The following SLC4A8 variants were observed in gnomAD, a reference collection of about 807,000 sequenced individuals.
SLC4A8 encodes the protein electroneutral sodium bicarbonate exchanger 1.
In SLC4A8, 40 loss-of-function variants were observed where a neutral mutation model predicts 125.0. That is an observed-to-expected ratio of 0.32 (90% CI 0.25 to 0.42). The LOEUF is 0.42. SLC4A8 is among the 10% of genes least tolerant of loss of function. SLC4A8 has a pLI of 1.00. For missense variants in SLC4A8, 863 were observed against 1,355.1 expected (o/e 0.64, Z 5.70); for synonymous variants, 456 against 476.0 (o/e 0.96, Z 0.55).
At chr12:51,490,098 T>C in intron 19 of SLC4A8, 147 bp downstream of exon 19, 1 of 699,510 alleles carries the variant, frequency 1.4e-6, no homozygotes, top group Non-Finnish European at 2.4e-6. Context: ...ATAAGACAGA[T>C]AACATGTAGT....
chr12:51,435,223 G>A (rs1430146593), intron 1 of SLC4A8, among the ~76,000 whole-genome samples: 1 of 152,178 alleles, frequency 6.6e-6, no homozygotes, highest in African/African-American at 2.4e-5. Context: ...TCTCCTTTGT[G>A]ATGTTAGTGG....
At chr12:51,479,497 G>C (rs1950955364) in intron 16 of SLC4A8, among the ~76,000 whole-genome samples, 1 of 151,998 alleles carries the variant, frequency 6.6e-6, no homozygotes, top group Admixed American at 6.6e-5. Flanking sequence ...GACCAGTCTG[G>C]CCAACATGGT....
intron 1 of SLC4A8, among the ~76,000 whole-genome samples, chr12:51,408,206 G>A (rs780155437): frequency 5.9e-5 from 9 of 152,052 alleles, no homozygotes; most frequent in Non-Finnish European, 1.3e-4. Context: ...CTTTTCTGGG[G>A]GACACAATTC....
In SLC4A8 at chr12:51,493,742, C is replaced by T; in HGVS notation, c.2739C>T (p.Tyr913=). 6.2e-7 allele frequency: 1 copy of T among 1,610,270 alleles called. No homozygotes were observed. Among genetic ancestry groups the T allele is most frequent in the East Asian group, 2.2e-5 (1 of 44,862 alleles). Residue 913 remains tyrosine (Y), a synonymous_variant, in exon 20 of 25, where the codon TAC becomes TAT. Coordinates refer to ENST00000453097, the MANE Select transcript of SLC4A8 (RefSeq NM_001039960.3). ...PMPVLYGVFL[Y]MGVSSLQGIQ... is the part of the protein sequence containing the mutation. ...CAGTACTCTACGGAGTTTTCCTTTA[C>T]ATGGGAGTTTCTTCACTACAGGGAA...
chr12:51,501,755 T>C (rs1302662227), intron 22 of SLC4A8: 1 of 152,252 alleles, frequency 6.6e-6, no homozygotes, highest in Non-Finnish European at 1.5e-5. Context: ...GGGGCTGAAC[T>C]AATTTGCATT....
intron 1 of SLC4A8, among the ~76,000 whole-genome samples, chr12:51,403,731 C>T (rs1399521438): frequency 6.6e-6 from 1 of 152,220 alleles, no homozygotes; most frequent in African/African-American, 2.4e-5. Context: ...TAACACCCGG[C>T]AATAATTCTG....
intron 16 of SLC4A8, among the ~76,000 whole-genome samples, chr12:51,481,816 G>T (rs570037307): frequency 6.6e-6 from 1 of 152,038 alleles, no homozygotes; most frequent in Non-Finnish European, 1.5e-5. Flanking sequence ...GCCAGGCGTG[G>T]TGGTGTGTGA....
rs1950802512 is a variant in SLC4A8, at chr12:51,474,419, A to G, written c.1982A>G (p.Glu661Gly). ...AAGGACCACAACATCGTGACAGCAG[A>G]AGTCCACTGGGCTAACCTGACTGTC... ...YWKDHNIVTA[E>G]VHWANLTVSE... The change falls in exon 15 of 25, where the codon GAA becomes GGA. Residue 661 changes from glutamate (E) to glycine (G), a missense_variant. Coordinates refer to ENST00000453097, the MANE Select transcript of SLC4A8 (RefSeq NM_001039960.3). 1 of 1,613,606 alleles carries G rather than the reference A, an allele frequency of 6.2e-7. No individual in the cohort carries two copies. The highest frequency in any genetic ancestry group is 8.5e-7 in the Non-Finnish European group (1 of 1,179,676).
chr12:51,414,422 C>T (rs114990417), intron 1 of SLC4A8, among the ~76,000 whole-genome samples: 2,736 of 152,172 alleles, frequency 0.018, 74 homozygotes, highest in African/African-American at 0.062. Context: ...GTTTCTCTTG[C>T]CTGATTGCTC....
At chr12:51,427,990 C>G (rs1309023297) in intron 1 of SLC4A8, among the ~76,000 whole-genome samples, 1 of 152,180 alleles carries the variant, frequency 6.6e-6, no homozygotes, top group African/African-American at 2.4e-5. Context: ...TGAATACAAT[C>G]AGGCTCTTGT....
Position 51,511,275 on chromosome 12 carries a change from T to G in SLC4A8, c.*3837T>G, listed in dbSNP as rs1186942586. Reference sequence around the variant, plus strand: ...ATTTTCACAGCATCTGGATGGCAAATTGCCTTCACGTAGGGAAACCACATG... The same window carrying G: ...ATTTTCACAGCATCTGGATGGCAAAGTGCCTTCACGTAGGGAAACCACATG... On this transcript the variant is annotated 3_prime_UTR_variant, in exon 25 of 25. Coordinates refer to ENST00000453097, the MANE Select transcript of SLC4A8 (RefSeq NM_001039960.3). 1 of 152,166 alleles carries G rather than the reference T, an allele frequency of 6.6e-6. No individual in the cohort carries two copies. Among genetic ancestry groups the G allele is most frequent in the African/African-American group, 2.4e-5 (1 of 41,420 alleles). The allele number at this position is 152,166 out of a possible 1,614,324, so 9.4% of individuals were successfully genotyped here.
At chr12:51,494,718 GA>G (rs1951416017) in intron 20 of SLC4A8, 1 of 430,424 alleles carries the variant, frequency 2.3e-6, no homozygotes, top group Admixed American at 3.8e-5. Flanking sequence ...ATAAGAGAAA[GA>G]AGTTTGAACC....
chr12:51,491,309 G>C (rs2138403712), intron 19 of SLC4A8, among the ~76,000 whole-genome samples: 1 of 152,260 alleles, frequency 6.6e-6, no homozygotes, highest in East Asian at 1.9e-4. Context: ...AGAACTCAGG[G>C]AAAAGAGACG....
chr12:51,491,777 A>ACACC (rs1555198712), intron 19 of SLC4A8, among the ~76,000 whole-genome samples: 4 of 149,810 alleles, frequency 2.7e-5, no homozygotes, highest in East Asian at 1.9e-4. Flanking sequence ...ACACACACAC[A>ACACC]CCCCTCTTTA....
chr12:51,502,911 G>A (rs560820613), intron 22 of SLC4A8, among the ~76,000 whole-genome samples: 11 of 146,834 alleles, frequency 7.5e-5, no homozygotes, highest in African/African-American at 2.8e-4. Flanking sequence ...GCGCCATCTT[G>A]GCTCACTGCA....
chr12:51,399,923 A>C (rs1392380839), intron 1 of SLC4A8, among the ~76,000 whole-genome samples: 1 of 151,608 alleles, frequency 6.6e-6, no homozygotes, highest in Non-Finnish European at 1.5e-5. Flanking sequence ...TGGAGGTTGC[A>C]GTGAGCTGAG....
At chr12:51,463,414 T>G (rs1391056269) in intron 10 of SLC4A8, among the ~76,000 whole-genome samples, 200 bp from the exon 11 acceptor site, 3 of 59,164 alleles carry the variant, frequency 5.1e-5, no homozygotes, top group South Asian at 3.6e-4. Context: ...TTATGGGGTG[T>G]GTGTGTGTGT....
chr12:51,469,617 A>C lies in SLC4A8; in HGVS notation c.1353A>C (p.Leu451=). The part of the protein sequence containing the change: ...SGPELQRTGR[L]FGGLVLDIKR... ...CCTGTCTGTTGTGTTTCCACAGGCT[A>C]TTTGGGGGCTTGGTGCTGGACATCA... Residue 451 remains leucine, a synonymous_variant, in exon 12 of 25, where the codon CTA becomes CTC. Coordinates refer to ENST00000453097, the MANE Select transcript of SLC4A8 (RefSeq NM_001039960.3). 1 of 1,613,172 alleles carries C rather than the reference A, an allele frequency of 6.2e-7. No individual in the cohort carries two copies. Among genetic ancestry groups the C allele is most frequent in the Non-Finnish European group, 8.5e-7 (1 of 1,179,842 alleles).
Position 51,475,086 on chromosome 12 carries a change from C to A in SLC4A8, c.2052C>A (p.Cys684Ter). ...ATGGAGAGTTCATGGGATCTGCGTG[C>A]GGCCATCATGGACCCTACACTCCTG... is the stretch of plus-strand genomic sequence containing the variant. ...EMHGEFMGSACGHHGPYTPDV... is the reference protein window; with the variant it reads ...EMHGEFMGSA Residue 684 changes from cysteine (C) to a stop codon, truncating the protein, a stop_gained, in exon 16 of 25, where the codon TGC (cysteine) becomes TGA (stop). Coordinates refer to ENST00000453097, the MANE Select transcript of SLC4A8 (RefSeq NM_001039960.3). LOFTEE classifies it high-confidence loss of function. The A allele has an allele frequency of 6.2e-7, 1 of 1,613,818 alleles. No homozygotes were observed. Among genetic ancestry groups the A allele is most frequent in the Non-Finnish European group, 8.5e-7 (1 of 1,179,778 alleles).
Sources: gnomAD v4.1 joint callset for allele counts (sites outside exome capture counted in the v4.1 genomes callset) on GRCh38, gnomAD v4.1.1 for gene constraint, MANE v1.5 for transcripts, NCBI Gene and HGNC (gene_info 2026-07-23, HGNC 2026-07-21) for gene names.